ATXN10: variants seen among roughly 807,000 people sequenced by gnomAD.
ATXN10 encodes the protein ataxin 10, also known as ataxin-10.
ATXN10 carries 28 observed loss-of-function variants against 52.9 expected under a neutral mutation model. The observed-to-expected ratio is 0.53, with a 90% CI of 0.39 to 0.73. ATXN10 has a LOEUF of 0.73. Ranked by LOEUF, ATXN10 falls within the 30% of genes least tolerant of loss-of-function variation. The pLI, the probability that ATXN10 is intolerant of heterozygous loss-of-function variation, is 0.00. For synonymous variants in ATXN10, 226 were observed against 221.5 expected (o/e 1.02, Z -0.18); for missense variants, 565 against 577.0 (o/e 0.98, Z 0.21).
At chr22:45,730,015 A>G (rs1181415657) in intron 7 of ATXN10, among the ~76,000 whole-genome samples, 1 of 152,172 alleles carries the variant, frequency 6.6e-6, no homozygotes, top group African/African-American at 2.4e-5. Flanking sequence ...CTGAATGAAT[A>G]AATAAATAAT....
In ATXN10 at chr22:45,843,896, C is replaced by T; in HGVS notation, c.*225C>T. The T allele has an allele frequency of 3.4e-6, 2 of 589,940 alleles. No homozygotes were observed. Among genetic ancestry groups the T allele is most frequent in the Non-Finnish European group, 6.0e-6 (2 of 332,618 alleles). 36.5% of individuals were successfully genotyped at this position (589,940 alleles called of 1,614,324 possible). ...AACTGTGTGGTTTGCCTTTGTCCCC[C>T]TGGATAGAACGTGCATTTAAAGAAT... On this transcript the variant is annotated 3_prime_UTR_variant, in exon 12 of 12. Transcript: ENST00000252934. This position sits in a 1 kb window ranked among gnomAD's most constrained non-coding sequence, Gnocchi z 4.5.
chr22:45,672,507 T>TG (rs1487242618), intron 1 of ATXN10: 6 of 159,250 alleles, frequency 3.8e-5, no homozygotes, highest in African/African-American at 1.4e-4. Flanking sequence ...GTGCGAGGGC[T>TG]GCGCCAGGCC....
At position 45,729,805 on chromosome 22, in the gene ATXN10, A is replaced by G. The variant is rs952423500; in HGVS notation, c.894+215A>G. ...CAATGACTTAGGCAAATTCTGGTTA[A>G]TTTTCTAGACAGATGACATCAGATA... On this transcript the variant is annotated intron_variant, in intron 7 of 11. Coordinates refer to ENST00000252934, the MANE Select transcript of ATXN10 (RefSeq NM_013236.4). 2.3e-5 allele frequency: 14 copies of G among 611,796 alleles called. 2 individuals carry two copies. Among genetic ancestry groups the G allele is most frequent in the Middle Eastern group, 4.3e-4 (1 of 2,320 alleles). 37.9% of individuals were successfully genotyped at this position (611,796 alleles called of 1,614,324 possible).
At chr22:45,702,654 A>G in intron 4 of ATXN10, 35 bp from the exon 5 acceptor site, 2 of 1,611,578 alleles carry the variant, frequency 1.2e-6, no homozygotes, top group Non-Finnish European at 1.7e-6. Flanking sequence ...CATGTTACTA[A>G]ATTGGGCTAA....
At position 45,786,593 on chromosome 22, in the gene ATXN10, C is replaced by T. The variant is rs1194742958; in HGVS notation, c.1174-20366C>T. On this transcript the variant is annotated intron_variant, in intron 9 of 11. Transcript: ENST00000252934. The surrounding 1 kb of genome is among the most constrained non-coding windows in gnomAD (Gnocchi z 4.1). ...TTAGGTCTCGTACCCACTCCAAGTGCAATGCTGCGGGCACATCTCAGCTGG... is the reference window on the plus strand; with the variant it reads ...TTAGGTCTCGTACCCACTCCAAGTGTAATGCTGCGGGCACATCTCAGCTGG... 2.0e-5 allele frequency among the ~76,000 whole-genome samples: 3 copies of T among 152,202 alleles called. No homozygotes were observed. The highest frequency in any genetic ancestry group is 1.3e-4 in the Admixed American group (2 of 15,288).
At chr22:45,704,651 T>C (rs557701214) in intron 5 of ATXN10, among the ~76,000 whole-genome samples, 1 of 152,358 alleles carries the variant, frequency 6.6e-6, no homozygotes, top group East Asian at 1.9e-4. Flanking sequence ...CCTGAACTTA[T>C]TTATAGTTTT....
intron 9 of ATXN10, among the ~76,000 whole-genome samples, chr22:45,800,325 A>G (rs1393805440): frequency 6.6e-6 from 1 of 152,244 alleles, no homozygotes; most frequent in Non-Finnish European, 1.5e-5. Flanking sequence ...AAATATTTGA[A>G]TAACATTTCA....
At position 45,683,836 on chromosome 22, in the gene ATXN10, C is replaced by T. The variant is rs1601586789; in HGVS notation, c.117-5876C>T. ...AGGTCTTTAATGCTATTGATAGATG[C>T]CATTTACCAAGTTACCATGTATACA... is the stretch of plus-strand genomic sequence containing the variant. On this transcript the variant is annotated intron_variant, in intron 1 of 11. Transcript: ENST00000252934. This position sits in a 1 kb window ranked among gnomAD's most constrained non-coding sequence, Gnocchi z 4.8. Among the ~76,000 whole-genome samples, 1 of 152,198 alleles carries T rather than the reference C, an allele frequency of 6.6e-6. No homozygotes were observed. The highest frequency in any genetic ancestry group is 2.4e-5 in the African/African-American group (1 of 41,456).
chr22:45,690,080 C>G lies in ATXN10; in HGVS notation c.308+177C>G, dbSNP rs755979725. ...TTGAGTCCAGGAGTTCAAGACCGGC[C>G]TGGGCAACATGGTGAGACCCTGTCT... On this transcript the variant is annotated intron_variant, in intron 2 of 11. Coordinates refer to ENST00000252934, the MANE Select transcript of ATXN10 (RefSeq NM_013236.4). This position sits in a 1 kb window ranked among gnomAD's most constrained non-coding sequence, Gnocchi z 4.5. 2.6e-5 allele frequency among the ~76,000 whole-genome samples: 4 copies of G among 152,050 alleles called. No individual in the cohort carries two copies. Among genetic ancestry groups the G allele is most frequent in the Admixed American group, 6.6e-5 (1 of 15,262 alleles).
At position 45,796,356 on chromosome 22, in the gene ATXN10, T is replaced by TGCC. The variant is rs575260214; in HGVS notation, c.1174-10603_1174-10602insGCC. On this transcript the variant is annotated intron_variant, in intron 9 of 11. Transcript: ENST00000252934. Reference sequence around the variant, plus strand: ...TGTGTGCCCAGCAGGACATGGACCTTCATCAGTAATTCTAGTTTCGCCCTG... The same window carrying TGCC: ...TGTGTGCCCAGCAGGACATGGACCTTGCCCATCAGTAATTCTAGTTTCGCCCTG... Among the ~76,000 whole-genome samples, 21 of 152,306 alleles carry TGCC rather than the reference T, an allele frequency of 1.4e-4. No homozygotes were observed. The South Asian group carries it at 4.1e-3, about 30-fold the overall frequency.
At chr22:45,799,060 C>G (rs1927844776) in intron 9 of ATXN10, among the ~76,000 whole-genome samples, 1 of 147,108 alleles carries the variant, frequency 6.8e-6, no homozygotes, top group Admixed American at 6.9e-5. Flanking sequence ...AGTCAGAATG[C>G]CAGGAGACAT....
rs548256760 is a variant in ATXN10 at position 45,814,889 on chromosome 22, A to G, written c.1237+7867A>G. Among the ~76,000 whole-genome samples, 3 of 152,302 alleles carry G rather than the reference A, an allele frequency of 2.0e-5. No individual in the cohort carries two copies. In the East Asian group the frequency reaches 5.8e-4, roughly 29 times the overall value. On this transcript the variant is annotated intron_variant, in intron 10 of 11. Transcript: ENST00000252934. ...GAGGGATCTAGGTTGCATGCTCCTTATGAGAATCTAGCTAATGCCTGATGA... is the reference window on the plus strand; with the variant it reads ...GAGGGATCTAGGTTGCATGCTCCTTGTGAGAATCTAGCTAATGCCTGATGA...
chr22:45,751,763 A>AATAAT (rs1925975532), intron 9 of ATXN10, among the ~76,000 whole-genome samples: 1 of 66,614 alleles, frequency 1.5e-5, no homozygotes, highest in Non-Finnish European at 2.9e-5. Flanking sequence ...AATAAAAAAA[A>AATAAT]AATAATAATA....
intron 10 of ATXN10, among the ~76,000 whole-genome samples, chr22:45,817,977 A>G (rs1928521984): frequency 6.6e-6 from 1 of 152,238 alleles, no homozygotes; most frequent in African/African-American, 2.4e-5. Flanking sequence ...ACGGGCTCCC[A>G]GGGTGAGAAG....
chr22:45,840,196 G>A lies in ATXN10; in HGVS notation c.1238-2795G>A, dbSNP rs2146919325. ...TTCAAGACACAATTTCAATAAATATGTATTGAACATCCACTTTGTGCTGGG... is the reference window on the plus strand; with the variant it reads ...TTCAAGACACAATTTCAATAAATATATATTGAACATCCACTTTGTGCTGGG... On this transcript the variant is annotated intron_variant, in intron 10 of 11. Coordinates refer to ENST00000252934, the MANE Select transcript of ATXN10 (RefSeq NM_013236.4). The surrounding 1 kb of genome is among the most constrained non-coding windows in gnomAD (Gnocchi z 5.8). Among the ~76,000 whole-genome samples the A allele has an allele frequency of 6.6e-6, 1 of 152,300 alleles. No individual in the cohort carries two copies. The highest frequency in any genetic ancestry group is 3.4e-3 in the Middle Eastern group (1 of 294).
At chr22:45,691,003 A>T (rs1456467473) in intron 2 of ATXN10, among the ~76,000 whole-genome samples, 9 of 152,216 alleles carry the variant, frequency 5.9e-5, no homozygotes, top group Non-Finnish European at 1.2e-4. Context: ...TTAGACACAT[A>T]TACCCGAGGC....
chr22:45,680,631 T>A (rs1248846559), intron 1 of ATXN10, among the ~76,000 whole-genome samples: 6 of 137,218 alleles, frequency 4.4e-5, no homozygotes, highest in Non-Finnish European at 9.8e-5. Context: ...AATTAAAAAT[T>A]TTTTTTTTTT....
At position 45,825,844 on chromosome 22, in the gene ATXN10, C is replaced by T. The variant is rs768605715; in HGVS notation, c.1238-17147C>T. ...CCAGTAATCCCAGCACCTACCAGGG[C>T]AGATGGCTTGAGCTCAGGAGTTTGA... On this transcript the variant is annotated intron_variant, in intron 10 of 11. Transcript: ENST00000252934. This position sits in a 1 kb window ranked among gnomAD's most constrained non-coding sequence, Gnocchi z 4.5. Among the ~76,000 whole-genome samples the T allele has an allele frequency of 6.6e-6, 1 of 152,152 alleles. No homozygotes were observed. The highest frequency in any genetic ancestry group is 2.4e-5 in the African/African-American group (1 of 41,438).
chr22:45,792,561 G>A (rs1412984299), intron 9 of ATXN10: 1 of 171,290 alleles, frequency 5.8e-6, no homozygotes, highest in Non-Finnish European at 1.3e-5. Flanking sequence ...AGGAACTGTA[G>A]GAAGGGACCA....
Sources: gnomAD v4.1 joint callset for allele counts (sites outside exome capture counted in the v4.1 genomes callset) on GRCh38, gnomAD v4.1.1 for gene constraint, Gnocchi (gnomAD v3.1) non-coding constraint, MANE v1.5 for transcripts, NCBI Gene and HGNC (gene_info 2026-07-23, HGNC 2026-07-21) for gene names.